SERF2: variants seen among roughly 807,000 people sequenced by gnomAD.
SERF2 encodes the protein small EDRK-rich factor 2.
Under a neutral mutation model 10.7 loss-of-function variants are expected in SERF2, and 4 were observed. That is an observed-to-expected ratio of 0.37 (90% CI 0.18 to 0.86). SERF2 has a LOEUF of 0.86. SERF2 is among the 40% of genes least tolerant of loss of function. The probability of loss-of-function intolerance (pLI) is 0.43; values close to 1 mark genes in which losing one functional copy is unlikely to be tolerated. For synonymous variants in SERF2, 26 were observed against 26.0 expected (o/e 1.00, Z 0.01); for missense variants, 47 against 79.1 (o/e 0.59, Z 1.54).
At position 43,794,823 on chromosome 15, in the gene SERF2, ACT is replaced by A. The variant is rs1446579362; in HGVS notation, c.*1053_*1054del. Reference sequence around the variant, plus strand: ...TAACAGTAGCTCCAGTGAGTCAGACACTCTGCCCAGCACATTAGACTGTGTTT... The same window carrying A: ...TAACAGTAGCTCCAGTGAGTCAGACACTGCCCAGCACATTAGACTGTGTTT... On this transcript the variant is annotated 3_prime_UTR_variant, in exon 3 of 3. Transcript: ENST00000249786. The A allele has an allele frequency of 5.1e-6, 3 of 587,982 alleles. No individual in the cohort carries two copies. The highest frequency in any genetic ancestry group is 6.0e-6 in the Non-Finnish European group (2 of 332,876). The allele number at this position is 587,982 out of a possible 1,614,324, so 36.4% of individuals were successfully genotyped here.
At position 43,794,907 on chromosome 15, in the gene SERF2, T is replaced by G; in HGVS notation, c.*1134T>G. 1.1e-6 allele frequency: 1 copy of G among 934,830 alleles called. No homozygotes were observed. The highest frequency in any genetic ancestry group is 1.6e-6 in the Non-Finnish European group (1 of 612,452). The allele number at this position is 934,830 out of a possible 1,614,324, so 57.9% of individuals were successfully genotyped here. A position where few individuals can be genotyped will look rare whatever the true frequency, so the allele number is the denominator to read the frequency against. On this transcript the variant is annotated 3_prime_UTR_variant, in exon 3 of 3. Transcript: ENST00000249786. ...CAGCCCAAACGGAGATAACTCCCTG[T>G]GTGTCCTTGAGGTATTGAGCTGGGC...
intron 1 of SERF2, among the ~76,000 whole-genome samples, chr15:43,782,144 C>T (rs2086970232): frequency 6.6e-6 from 1 of 152,224 alleles, no homozygotes; most frequent in South Asian, 2.1e-4. Context: ...CCGCCTTGGC[C>T]TCCCATAGTG....
In SERF2 at chr15:43,795,930, A is replaced by T. The variant is rs1477707171; in HGVS notation, c.*2157A>T. The T allele has an allele frequency of 7.7e-6, 5 of 652,454 alleles. 1 individual carries two copies. Among genetic ancestry groups the T allele is most frequent in the South Asian group, 5.9e-5 (3 of 51,070 alleles). 40.4% of individuals were successfully genotyped at this position (652,454 alleles called of 1,614,324 possible). A position where few individuals can be genotyped will look rare whatever the true frequency, so the allele number is the denominator to read the frequency against. On this transcript the variant is annotated 3_prime_UTR_variant, in exon 3 of 3. Transcript: ENST00000249786. ...TAATCTTTTGTGCCTCGATTTCTCC[A>T]TTTGTAAAATGGAGCAAATACCTAC...
rs749061524 is a variant in SERF2 at position 43,793,895 on chromosome 15, C to G, written c.*122C>G. Reference sequence around the variant, plus strand: ...CAGCACCGATGGCATTCCCTTTGCCCTGAGTCTGCAGCGGGTCCCTTTTGT... The same window carrying G: ...CAGCACCGATGGCATTCCCTTTGCCGTGAGTCTGCAGCGGGTCCCTTTTGT... On this transcript the variant is annotated 3_prime_UTR_variant, in exon 3 of 3. Transcript: ENST00000249786. 4 of 1,597,724 alleles carry G rather than the reference C, an allele frequency of 2.5e-6. No individual in the cohort carries two copies. In the African/African-American group the frequency reaches 5.4e-5, roughly 21 times the overall value.
At chr15:43,779,805 G>A (rs1464049957) in intron 1 of SERF2, among the ~76,000 whole-genome samples, 2 of 152,062 alleles carry the variant, frequency 1.3e-5, no homozygotes, top group African/African-American at 4.8e-5. Flanking sequence ...AATTACATCT[G>A]TATTTTCACT....
In SERF2 at chr15:43,782,655, A is replaced by T. The variant is rs562878991; in HGVS notation, c.-526-2755A>T. Among the ~76,000 whole-genome samples the T allele has an allele frequency of 1.4e-4, 22 of 152,196 alleles. 1 individual carries two copies. The South Asian group carries it at 4.6e-3, about 32-fold the overall frequency. ...TATCCTGGGATCTCCCTTCTATCTC[A>T]GCTGGAGGATTTCCTTCACTTACCT... On this transcript the variant is annotated intron_variant, in intron 1 of 4. Transcript: ENST00000381359.
At chr15:43,790,677 G>GA (rs2087048567), upstream of SERF2, among the ~76,000 whole-genome samples, 1 of 151,874 alleles carries the variant, frequency 6.6e-6, no homozygotes, top group Non-Finnish European at 1.5e-5. Flanking sequence ...GCTGAGGTGG[G>GA]AGAATAGCTT....
chr15:43,788,792 G>GT (rs1230705015), upstream of SERF2, among the ~76,000 whole-genome samples: 1 of 152,156 alleles, frequency 6.6e-6, no homozygotes, highest in African/African-American at 2.4e-5. Context: ...CAGGGCCGAG[G>GT]TTTCTAAATC....
intron 1 of SERF2, among the ~76,000 whole-genome samples, chr15:43,778,977 G>C (rs1374657573): frequency 6.6e-6 from 1 of 152,164 alleles, no homozygotes; most frequent in Admixed American, 6.6e-5. Flanking sequence ...TCAAGAAAAA[G>C]TTTTAAGATG....
chr15:43,794,441 G>A lies in SERF2; in HGVS notation c.*668G>A, dbSNP rs2087153607. The A allele has an allele frequency of 6.1e-6, 1 of 162,666 alleles. No individual in the cohort carries two copies. Among genetic ancestry groups the A allele is most frequent in the Non-Finnish European group, 1.4e-5 (1 of 74,046 alleles). The allele number at this position is 162,666 out of a possible 1,614,324, so 10.1% of individuals were successfully genotyped here. ...CACCGACTTCCCGTGGTCAGCTGCTGTCAAGCGTTCACTTTCTCTTCTGTC... is the reference window on the plus strand; with the variant it reads ...CACCGACTTCCCGTGGTCAGCTGCTATCAAGCGTTCACTTTCTCTTCTGTC... On this transcript the variant is annotated 3_prime_UTR_variant, in exon 3 of 3. Coordinates refer to ENST00000249786, the MANE Select transcript of SERF2 (RefSeq NM_001018108.4).
chr15:43,787,236 T>C (rs1365696684), intron 2 of SERF2, among the ~76,000 whole-genome samples: 1 of 151,846 alleles, frequency 6.6e-6, no homozygotes. Context: ...CCTGACCTCA[T>C]GATCAGCCCG....
At chr15:43,790,258 C>T (rs1463652530), upstream of SERF2, among the ~76,000 whole-genome samples, 5 of 151,444 alleles carry the variant, frequency 3.3e-5, no homozygotes, top group South Asian at 1.0e-3. Context: ...TGCAGTGAGC[C>T]GAGAGCATAC....
chr15:43,787,550 G>A (rs1049674644), upstream of SERF2, among the ~76,000 whole-genome samples: 19 of 152,016 alleles, frequency 1.2e-4, no homozygotes, highest in Non-Finnish European at 8.8e-5. Flanking sequence ...GGCATGCGCC[G>A]CCATGCCAGG....
At chr15:43,778,628 G>C (rs886345669) in intron 1 of SERF2, among the ~76,000 whole-genome samples, 2 of 146,486 alleles carry the variant, frequency 1.4e-5, no homozygotes, top group Non-Finnish European at 3.0e-5. Flanking sequence ...GGCTGGGTGC[G>C]GTAGCTCATG....
intron 1 of SERF2, among the ~76,000 whole-genome samples, chr15:43,778,504 A>T (rs931538043): frequency 1.4e-5 from 2 of 141,272 alleles, no homozygotes; most frequent in African/African-American, 5.2e-5. Flanking sequence ...TCGCCACTGA[A>T]CTTCAGCCTG....
At chr15:43,792,062 C>T (rs2087070485), upstream of SERF2, 3 of 509,730 alleles carry the variant, frequency 5.9e-6, no homozygotes, top group African/African-American at 3.8e-5. Flanking sequence ...GCCACATCGC[C>T]AGCCGCACCC....
exon 1 of SERF2, chr15:43,777,108 GC>G: frequency 1.2e-6 from 1 of 802,516 alleles, no homozygotes. Flanking sequence ...CCGGCCAACC[GC>G]CCGGACCTCG....
In SERF2 at chr15:43,794,672, C is replaced by A. The variant is rs968764659; in HGVS notation, c.*899C>A. 7.4e-6 allele frequency: 2 copies of A among 268,978 alleles called. No individual in the cohort carries two copies. Among genetic ancestry groups the A allele is most frequent in the Non-Finnish European group, 1.4e-5 (2 of 140,354 alleles). The allele number at this position is 268,978 out of a possible 1,614,324, so 16.7% of individuals were successfully genotyped here. On this transcript the variant is annotated 3_prime_UTR_variant, in exon 3 of 3. Transcript: ENST00000249786. The stretch of plus-strand genomic sequence containing the variant: ...AGCCGAGTCTTCAGTCCCTGTTGGT[C>A]TTTCCCCACCCCCACTTCCAGCCCA...
chr15:43,780,817 C>T (rs2086958620), intron 1 of SERF2, among the ~76,000 whole-genome samples: 1 of 152,190 alleles, frequency 6.6e-6, no homozygotes, highest in Admixed American at 6.5e-5. Flanking sequence ...TAATGATGCA[C>T]TGTGGCCATA....
Sources: gnomAD v4.1 joint callset for allele counts (sites outside exome capture counted in the v4.1 genomes callset) on GRCh38, gnomAD v4.1.1 for gene constraint, MANE v1.5 for transcripts, NCBI Gene and HGNC (gene_info 2026-07-23, HGNC 2026-07-21) for gene names.